CDH18: variants seen among roughly 807,000 people sequenced by gnomAD.
CDH18 encodes cadherin-18.
In CDH18, 31 loss-of-function variants were observed where a neutral mutation model predicts 67.9. That is an observed-to-expected ratio of 0.46 (90% CI 0.34 to 0.62). CDH18 has a LOEUF of 0.62. Among genes scored for constraint, CDH18 ranks in the 20% least tolerant of loss-of-function variants. The pLI, the probability that CDH18 is intolerant of heterozygous loss-of-function variation, is 0.01. For missense variants in CDH18, 890 were observed against 975.5 expected (o/e 0.91, Z 1.17); for synonymous variants, 362 against 347.2 (o/e 1.04, Z -0.48).
chr5:19,531,102 T>G (rs1027711173), intron 9 of CDH18, among the ~76,000 whole-genome samples: 3 of 151,992 alleles, frequency 2.0e-5, no homozygotes, highest in Non-Finnish European at 2.9e-5. Context: ...TGGCTCCACC[T>G]CCAATAAATT....
chr5:19,770,622 G>GAA (rs56359825), intron 3 of CDH18, among the ~76,000 whole-genome samples: 3 of 151,370 alleles, frequency 2.0e-5, no homozygotes, highest in South Asian at 2.1e-4. Flanking sequence ...AAAAAAAAAG[G>GAA]AAAAAAAGAA....
chr5:19,526,365 T>G (rs558806896), intron 9 of CDH18, among the ~76,000 whole-genome samples: 3 of 152,126 alleles, frequency 2.0e-5, no homozygotes, highest in African/African-American at 7.2e-5. Context: ...CCTCTAGAGA[T>G]AGTGATACAG....
chr5:19,756,389 C>A (rs1201569786), intron 3 of CDH18, among the ~76,000 whole-genome samples: 1 of 152,216 alleles, frequency 6.6e-6, no homozygotes, highest in Non-Finnish European at 1.5e-5. Flanking sequence ...CTTTCTTCTA[C>A]TACCTATTCT....
intron 1 of CDH18, among the ~76,000 whole-genome samples, chr5:20,526,863 C>T (rs560120255): frequency 6.6e-6 from 1 of 152,184 alleles, no homozygotes; most frequent in Non-Finnish European, 1.5e-5. Context: ...CAGCATGCCT[C>T]TTCTCCTCCA....
intron 2 of CDH18, among the ~76,000 whole-genome samples, chr5:20,083,003 T>C (rs577553297): frequency 6.6e-6 from 1 of 152,338 alleles, no homozygotes; most frequent in Admixed American, 6.5e-5. Flanking sequence ...TAATTTGTTA[T>C]GGCAGTCTTG....
intron 1 of CDH18, among the ~76,000 whole-genome samples, chr5:20,276,452 C>T (rs1047244902): frequency 3.0e-4 from 45 of 152,204 alleles, no homozygotes; most frequent in African/African-American, 1.0e-3. Context: ...AGGGAACCCA[C>T]TGTCTTGAAG....
chr5:19,760,850 T>C (rs999964432), intron 3 of CDH18, among the ~76,000 whole-genome samples: 1 of 152,146 alleles, frequency 6.6e-6, no homozygotes, highest in Non-Finnish European at 1.5e-5. Flanking sequence ...AGGCCATCAC[T>C]GTTGCCGTTG....
Position 20,131,715 on chromosome 5 carries a change from A to ATTTATGTAT in CDH18, c.-518+123728_-518+123729insATACATAAA, listed in dbSNP as rs1416665777. 8.5e-5 allele frequency among the ~76,000 whole-genome samples: 13 copies of ATTTATGTAT among 152,286 alleles called. No individual in the cohort carries two copies. The East Asian group carries it at 2.5e-3, about 29-fold the overall frequency. On this transcript the variant is annotated intron_variant, in intron 2 of 14. Coordinates refer to the CDH18 transcript ENST00000507958. ...TAAAATATAATGAACTTTATGCTAT[A>ATTTATGTAT]TTGATTTATGTATTTTTACAACAAT...
intron 12 of CDH18, among the ~76,000 whole-genome samples, chr5:19,481,780 A>G (rs1739461386): frequency 6.6e-6 from 1 of 152,208 alleles, no homozygotes; most frequent in Non-Finnish European, 1.5e-5. Flanking sequence ...TTTTTTCAAG[A>G]ATACCTCTTT....
Position 19,747,728 on chromosome 5 carries a change from T to C in CDH18, c.229-492A>G, listed in dbSNP as rs186143083. Among the ~76,000 whole-genome samples, 792 of 147,254 alleles carry C rather than the reference T, an allele frequency of 5.4e-3. 1 individual carries two copies. The highest frequency in any genetic ancestry group is 7.8e-3 in the African/African-American group (313 of 40,264). On this transcript the variant is annotated intron_variant, in intron 3 of 12. Coordinates refer to ENST00000382275, the MANE Select transcript of CDH18 (RefSeq NM_004934.5). The stretch of plus-strand genomic sequence containing the variant: ...TTCACAAAAGAGGCACATATTTAAG[T>C]CATAGTCACAGTCATGTGTTTAATA...
chr5:20,405,634 A>G (rs2150135572), intron 1 of CDH18, among the ~76,000 whole-genome samples: 1 of 152,290 alleles, frequency 6.6e-6, no homozygotes, highest in Non-Finnish European at 1.5e-5. Context: ...AGAAACTACC[A>G]TCAGAGTGAA....
intron 3 of CDH18, among the ~76,000 whole-genome samples, chr5:19,790,792 A>G (rs1776275829): frequency 6.6e-6 from 1 of 152,168 alleles, no homozygotes. Flanking sequence ...AGCCTATTGC[A>G]GTGTTTCAGG....
intron 2 of CDH18, among the ~76,000 whole-genome samples, chr5:20,224,926 C>A (rs1741495551): frequency 6.6e-6 from 1 of 152,002 alleles, no homozygotes; most frequent in Admixed American, 6.6e-5. Flanking sequence ...TTCCCTCTCT[C>A]TTTCTCTCCT....
At chr5:19,823,311 A>G (rs1323943281) in intron 3 of CDH18, among the ~76,000 whole-genome samples, 1 of 152,210 alleles carries the variant, frequency 6.6e-6, no homozygotes, top group Non-Finnish European at 1.5e-5. Flanking sequence ...GGGAATCACA[A>G]GGGTATTGAT....
chr5:20,064,680 C>A (rs891968741), intron 2 of CDH18, among the ~76,000 whole-genome samples: 1 of 151,922 alleles, frequency 6.6e-6, no homozygotes, highest in Non-Finnish European at 1.5e-5. Context: ...AGATATGTGA[C>A]CTTACCAATT....
At chr5:20,353,462 C>T (rs1741370386) in intron 1 of CDH18, among the ~76,000 whole-genome samples, 1 of 152,118 alleles carries the variant, frequency 6.6e-6, no homozygotes, top group Non-Finnish European at 1.5e-5. Context: ...TGCTAGATTT[C>T]CCCTAGAACA....
intron 2 of CDH18, among the ~76,000 whole-genome samples, chr5:20,205,765 A>ACT (rs1339322845): frequency 2.0e-5 from 3 of 151,886 alleles, no homozygotes; most frequent in Non-Finnish European, 4.4e-5. Context: ...TGAATGACTA[A>ACT]CATGTGAATG....
intron 3 of CDH18, among the ~76,000 whole-genome samples, chr5:19,767,397 GA>G (rs1305975862): frequency 6.6e-6 from 1 of 151,892 alleles, no homozygotes; most frequent in African/African-American, 2.4e-5. Flanking sequence ...AAAATTAGTA[GA>G]AAACGTCATG....
chr5:19,604,365 T>C (rs1019691030), intron 6 of CDH18, among the ~76,000 whole-genome samples: 2 of 152,162 alleles, frequency 1.3e-5, no homozygotes, highest in African/African-American at 4.8e-5. Flanking sequence ...AGTGAGATGC[T>C]TCTCAGGGAA....
Sources: allele counts gnomAD v4.1 joint callset (sites outside exome capture counted in the v4.1 genomes callset), GRCh38; gene constraint gnomAD v4.1.1; transcripts MANE v1.5; gene names NCBI Gene and HGNC (gene_info 2026-07-23, HGNC 2026-07-21).